GRM8: variants seen among roughly 807,000 people sequenced by gnomAD.
GRM8 encodes the protein metabotropic glutamate receptor 8.
GRM8 carries 47 observed loss-of-function variants against 87.2 expected under a neutral mutation model. That is an observed-to-expected ratio of 0.54 (90% CI 0.43 to 0.69). GRM8 has a LOEUF of 0.69. Ranked by LOEUF, GRM8 falls within the 30% of genes least tolerant of loss-of-function variation. The pLI is 0.00. For missense variants in GRM8, 1,019 were observed against 1,139.2 expected, an observed-to-expected ratio of 0.89 and a Z score of 1.52; for synonymous variants, 396 against 404.5, an observed-to-expected ratio of 0.98 and a Z score of 0.25.
chr7:126,770,713 T>C (rs1256951820), intron 6 of GRM8, among the ~76,000 whole-genome samples: 1 of 152,108 alleles, frequency 6.6e-6, no homozygotes, highest in African/African-American at 2.4e-5. Flanking sequence ...GGGCTGCTCA[T>C]TGGCACTGGA....
chr7:126,648,359 A>G (rs1803415207), intron 7 of GRM8, among the ~76,000 whole-genome samples: 2 of 152,188 alleles, frequency 1.3e-5, no homozygotes. Flanking sequence ...TCTGATTTTC[A>G]TAAGAAATGA....
chr7:127,015,068 A>AAGAAGAAG (rs367718694), intron 3 of GRM8, among the ~76,000 whole-genome samples: 1 of 93,218 alleles, frequency 1.1e-5, no homozygotes, highest in South Asian at 3.7e-4. Context: ...GAAGAAGAAG[A>AAGAAGAAG]AAGAAAGAAG....
At chr7:126,671,040 A>C (rs1233514310) in intron 7 of GRM8, among the ~76,000 whole-genome samples, 1 of 152,184 alleles carries the variant, frequency 6.6e-6, no homozygotes, top group East Asian at 1.9e-4. Flanking sequence ...TAGTTATTTT[A>C]CCAGGGTTTT....
chr7:126,813,145 C>A (rs1423198241), intron 6 of GRM8, among the ~76,000 whole-genome samples: 1 of 151,966 alleles, frequency 6.6e-6, no homozygotes, highest in Non-Finnish European at 1.5e-5. Context: ...TACGCATGTA[C>A]CCCTGAACTT....
chr7:126,687,449 G>A (rs145776567), intron 7 of GRM8, among the ~76,000 whole-genome samples: 30 of 152,176 alleles, frequency 2.0e-4, no homozygotes, highest in African/African-American at 7.0e-4. Context: ...TTGCTGAATA[G>A]CATTCCATTG....
At chr7:126,802,149 A>G (rs1481696539) in intron 6 of GRM8, among the ~76,000 whole-genome samples, 1 of 152,192 alleles carries the variant, frequency 6.6e-6, no homozygotes, top group African/African-American at 2.4e-5. Flanking sequence ...TATTTCACAC[A>G]TGCGTTACCT....
chr7:127,116,791 T>C (rs1826724620), intron 2 of GRM8, among the ~76,000 whole-genome samples: 1 of 152,232 alleles, frequency 6.6e-6, no homozygotes, highest in Non-Finnish European at 1.5e-5. Context: ...TACTTAATTT[T>C]AGAAAACTTG....
intron 8 of GRM8, among the ~76,000 whole-genome samples, chr7:126,559,574 C>T (rs1793492758): frequency 6.6e-6 from 1 of 152,164 alleles, no homozygotes; most frequent in Non-Finnish European, 1.5e-5. Context: ...CTGGATAATT[C>T]TTGAATAGAT....
intron 3 of GRM8, among the ~76,000 whole-genome samples, chr7:127,046,925 A>G (rs1283706372): frequency 6.6e-6 from 1 of 152,168 alleles, no homozygotes; most frequent in African/African-American, 2.4e-5. Flanking sequence ...ATTTTTCGCT[A>G]ACTATAATAC....
At chr7:127,218,772 G>T (rs568373329) in intron 2 of GRM8, among the ~76,000 whole-genome samples, 3 of 152,214 alleles carry the variant, frequency 2.0e-5, no homozygotes, top group Non-Finnish European at 4.4e-5. Flanking sequence ...GGTCAGTAGT[G>T]TTGTCTTTGG....
intron 9 of GRM8, among the ~76,000 whole-genome samples, chr7:126,476,304 C>A (rs905333063): frequency 6.6e-6 from 1 of 152,068 alleles, no homozygotes; most frequent in Non-Finnish European, 1.5e-5. Flanking sequence ...GCCTGTAGTT[C>A]CAGCTAAGAG....
chr7:126,763,379 C>T (rs1005257926), intron 7 of GRM8, among the ~76,000 whole-genome samples: 5 of 145,976 alleles, frequency 3.4e-5, no homozygotes, highest in Non-Finnish European at 7.6e-5. Context: ...ACTGTAAACT[C>T]TTAATCAATA....
chr7:126,788,825 A>AG lies in GRM8; in HGVS notation c.1157-18761dup, dbSNP rs546241742. ...AAACCTCAGAGACAGAAAAAAAAAA[A>AG]GGTCCATTGTTTTGTCTTCAGCTGA... On this transcript the variant is annotated intron_variant, in intron 6 of 10. Transcript: ENST00000339582. 3.6e-4 allele frequency among the ~76,000 whole-genome samples: 54 copies of AG among 151,938 alleles called. No individual in the cohort carries two copies. The East Asian group carries it at 7.7e-3, about 22-fold the overall frequency.
chr7:126,903,358 GC>G, intron 5 of GRM8, among the ~76,000 whole-genome samples: 1 of 151,934 alleles, frequency 6.6e-6, no homozygotes, highest in East Asian at 1.9e-4. Context: ...CTTTCCTGTT[GC>G]ATTTATTTAT....
chr7:127,101,669 C>A (rs949693323), intron 3 of GRM8, among the ~76,000 whole-genome samples: 1 of 152,212 alleles, frequency 6.6e-6, no homozygotes, highest in African/African-American at 2.4e-5. Context: ...CCTGCAGAAC[C>A]ATAAGCCAAT....
At chr7:126,489,230 AG>A (rs1043529350) in intron 9 of GRM8, among the ~76,000 whole-genome samples, 5 of 151,090 alleles carry the variant, frequency 3.3e-5, no homozygotes, top group Admixed American at 2.6e-4. Flanking sequence ...TTTATGAGAA[AG>A]TTTTTTTTTG....
At chr7:126,668,670 T>C (rs531699152) in intron 7 of GRM8, among the ~76,000 whole-genome samples, 2 of 152,344 alleles carry the variant, frequency 1.3e-5, no homozygotes, top group South Asian at 2.1e-4. Flanking sequence ...GCTTTTCTCT[T>C]GGTGGAGGGA....
intron 9 of GRM8, among the ~76,000 whole-genome samples, chr7:126,515,117 T>C (rs944610439): frequency 9.9e-5 from 15 of 152,098 alleles, no homozygotes; most frequent in African/African-American, 3.1e-4. Flanking sequence ...ATTTTGGATT[T>C]TGTTCTTTTG....
At chr7:126,536,234 T>A (rs745897479) in intron 8 of GRM8, among the ~76,000 whole-genome samples, 11 of 152,210 alleles carry the variant, frequency 7.2e-5, no homozygotes, top group Non-Finnish European at 1.5e-4. Flanking sequence ...ATCATTCTTA[T>A]GGTGGCTTAC....
Sources: gnomAD v4.1 joint callset for allele counts (sites outside exome capture counted in the v4.1 genomes callset) on GRCh38, gnomAD v4.1.1 for gene constraint, MANE v1.5 for transcripts, NCBI Gene and HGNC (gene_info 2026-07-23, HGNC 2026-07-21) for gene names.